The following FIGLA variants were observed in gnomAD, a reference collection of about 807,000 sequenced individuals.
FIGLA encodes the protein factor in the germline alpha.
In FIGLA, 17 loss-of-function variants were observed where a neutral mutation model predicts 21.5. The observed-to-expected ratio is 0.79, with a 90% CI of 0.54 to 1.19. The LOEUF (loss-of-function observed/expected upper bound fraction) is 1.19, where lower values mean the gene tolerates loss of function less well. FIGLA is among the 50% of genes most tolerant of loss of function. FIGLA has a pLI of 0.00. For missense variants in FIGLA, 282 were observed against 285.0 expected (o/e 0.99, Z 0.08); for synonymous variants, 129 against 117.6 (o/e 1.10, Z -0.63).
chr2:70,785,022 A>G (rs1014625736), intron 3 of FIGLA, among the ~76,000 whole-genome samples: 4 of 151,942 alleles, frequency 2.6e-5, no homozygotes, highest in South Asian at 2.1e-4. Context: ...TGGAGACCAT[A>G]GAGTCCAGAA....
At chr2:70,779,670 T>C (rs569858303) in intron 3 of FIGLA, among the ~76,000 whole-genome samples, 3 of 152,268 alleles carry the variant, frequency 2.0e-5, no homozygotes, top group East Asian at 3.9e-4. Context: ...TTTGGAAATA[T>C]ATACTGGCAG....
chr2:70,785,381 T>C (rs1400380731), intron 3 of FIGLA, 34 bp downstream of exon 3: 1 of 1,495,054 alleles, frequency 6.7e-7, no homozygotes, highest in Non-Finnish European at 9.3e-7. Flanking sequence ...AAGGTTCTGA[T>C]ATCTGTATGG....
At chr2:70,782,907 A>G (rs1675881035) in intron 3 of FIGLA, among the ~76,000 whole-genome samples, 1 of 152,046 alleles carries the variant, frequency 6.6e-6, no homozygotes. Flanking sequence ...TCTCTACTAA[A>G]AATACAAAAA....
intron 4 of FIGLA, 93 bp downstream of exon 4, chr2:70,777,544 T>G (rs951652996): frequency 2.6e-6 from 4 of 1,533,618 alleles, no homozygotes; most frequent in Non-Finnish European, 3.5e-6. Context: ...TTAATAGAGC[T>G]CATTGCTAAG....
chr2:70,780,891 G>A (rs1307144485), intron 3 of FIGLA, among the ~76,000 whole-genome samples: 1 of 152,086 alleles, frequency 6.6e-6, no homozygotes, highest in Non-Finnish European at 1.5e-5. Context: ...AGCAGATGAG[G>A]GGCATATTCA....
chr2:70,785,297 G>C, intron 3 of FIGLA, 118 bp downstream of exon 3: 1 of 906,284 alleles, frequency 1.1e-6, no homozygotes, highest in Non-Finnish European at 1.7e-6. Flanking sequence ...CCACCCAAAG[G>C]CTTTCATTAA....
At position 70,778,358 on chromosome 2, in the gene FIGLA, G is replaced by C. The variant is rs370122261; in HGVS notation, c.610-687C>G. Reference sequence around the variant, plus strand: ...TAGGTTAATATGTATACACTGCCAGGAGCAGTCTCTGACACAAAATATGTA... The same window carrying C: ...TAGGTTAATATGTATACACTGCCAGCAGCAGTCTCTGACACAAAATATGTA... On this transcript the variant is annotated intron_variant, in intron 3 of 4. Transcript: ENST00000332372. Among the ~76,000 whole-genome samples, 7 of 152,212 alleles carry C rather than the reference G, an allele frequency of 4.6e-5. No homozygotes were observed. The East Asian group carries it at 7.7e-4, about 17-fold the overall frequency.
intron 3 of FIGLA, among the ~76,000 whole-genome samples, chr2:70,783,174 AG>A (rs1480291111): frequency 6.6e-6 from 1 of 152,240 alleles, no homozygotes. Flanking sequence ...AGGCCTCAGA[AG>A]TCATACTTGA....
chr2:70,780,131 C>T (rs191410302), intron 3 of FIGLA, among the ~76,000 whole-genome samples: 228 of 152,242 alleles, frequency 1.5e-3, no homozygotes, highest in African/African-American at 3.9e-3. Flanking sequence ...TGGCCCCAGA[C>T]GTTAATCTCC....
At chr2:70,777,726 G>A (rs1400902708) in intron 3 of FIGLA, 55 bp from the exon 4 acceptor site, 29 of 931,442 alleles carry the variant, frequency 3.1e-5, no homozygotes, top group Admixed American at 2.9e-4. Context: ...TATTTGTCAC[G>A]TTTAAGAGAA....
At chr2:70,787,534 A>T in intron 2 of FIGLA, 115 bp downstream of exon 2, 1 of 1,077,940 alleles carries the variant, frequency 9.3e-7, no homozygotes, top group African/African-American at 1.6e-5. Flanking sequence ...AAAATAGCTT[A>T]GAGGTTATAA....
chr2:70,781,036 T>A (rs1455727523), intron 3 of FIGLA, among the ~76,000 whole-genome samples: 2 of 152,178 alleles, frequency 1.3e-5, no homozygotes, highest in African/African-American at 4.8e-5. Flanking sequence ...AAGGGGCAGT[T>A]CAGCATGGAG....
chr2:70,790,322 G>A (rs1173558647), intron 1 of FIGLA, 86 bp downstream of exon 1: 11 of 1,358,980 alleles, frequency 8.1e-6, no homozygotes, highest in African/African-American at 4.5e-5. Context: ...GGGGGTGGGC[G>A]GTGAGCGGAC....
At position 70,785,510 on chromosome 2, in the gene FIGLA, C is replaced by A; in HGVS notation, c.514G>T (p.Gly172Trp). The A allele has an allele frequency of 6.2e-7, 1 of 1,613,958 alleles. No homozygotes were observed. Among genetic ancestry groups the A allele is most frequent in the Non-Finnish European group, 8.5e-7 (1 of 1,179,890 alleles). The change falls in exon 3 of 5, where the codon GGG becomes TGG. Residue 172 changes from glycine (G) to tryptophan (W), a missense_variant. Transcript: ENST00000332372. ...CCACTGCCACCATCTGCCCAAGGCCCTTCCTCTTCATTCTTCAAGCCGAAA... is the reference window on the plus strand; with the variant it reads ...CCACTGCCACCATCTGCCCAAGGCCATTCCTCTTCATTCTTCAAGCCGAAA... ...CAFGLKNEEE[G>W]PWADGGSGEP...
At chr2:70,787,586 C>T (rs1241990669) in intron 2 of FIGLA, 63 bp downstream of exon 2, 3 of 1,457,820 alleles carry the variant, frequency 2.1e-6, no homozygotes, top group South Asian at 1.2e-5. Context: ...GGCACAGTGT[C>T]TCGTACATAG....
Position 70,785,447 on chromosome 2 carries a change from T to A in FIGLA, c.577A>T (p.Thr193Ser). The A allele has an allele frequency of 6.2e-7, 1 of 1,613,886 alleles. No individual in the cohort carries two copies. The highest frequency in any genetic ancestry group is 1.1e-5 in the South Asian group (1 of 91,066). The change falls in exon 3 of 5, where the codon ACG (threonine) becomes TCG (serine). Residue 193 changes from threonine (T) to serine (S), a missense_variant. Transcript: ENST00000332372. ...AHACRHSVMS[T>S]TEIISPTRSL... ...CTGGTTGGGGAGATAATTTCAGTCG[T>A]AGACATCACACTGTGGCGACAAGCG...
At position 70,790,387 on chromosome 2, in the gene FIGLA, TCG is replaced by T; in HGVS notation, c.231+19_231+20del. 1 of 1,500,498 alleles carries T rather than the reference TCG, an allele frequency of 6.7e-7. No homozygotes were observed. The highest frequency in any genetic ancestry group is 8.9e-7 in the Non-Finnish European group (1 of 1,122,690). 92.9% of individuals were successfully genotyped at this position (1,500,498 alleles called of 1,614,324 possible). A position where few individuals can be genotyped will look rare whatever the true frequency, so the allele number is the denominator to read the frequency against. ...AGAGCAGGGAAGGGGGGAACGGACG[TCG>T]ACCCTAGGGATCCCTCACCCGCTCA... is the stretch of plus-strand genomic sequence containing the variant. On this transcript the variant is annotated intron_variant, in intron 1 of 4. Transcript: ENST00000332372.
chr2:70,778,378 T>C (rs1414138387), intron 3 of FIGLA, among the ~76,000 whole-genome samples: 9 of 152,212 alleles, frequency 5.9e-5, no homozygotes, highest in Non-Finnish European at 1.5e-5. Context: ...TGACACAAAA[T>C]ATGTATGAGT....
chr2:70,785,728 G>A (rs1675942440), intron 2 of FIGLA, 89 bp from the exon 3 acceptor site: 1 of 978,906 alleles, frequency 1.0e-6, no homozygotes, highest in Non-Finnish European at 1.6e-6. Flanking sequence ...TTTAACTGAT[G>A]AGGTTTCATT....
Sources: gnomAD v4.1 joint callset for allele counts (sites outside exome capture counted in the v4.1 genomes callset) on GRCh38, gnomAD v4.1.1 for gene constraint, MANE v1.5 for transcripts, NCBI Gene and HGNC (gene_info 2026-07-23, HGNC 2026-07-21) for gene names.